STAC: variants seen among roughly 807,000 people sequenced by gnomAD.
STAC encodes the protein SH3 and cysteine-rich domain-containing protein.
Under a neutral mutation model 48.8 loss-of-function variants are expected in STAC, and 43 were observed. The observed-to-expected ratio is 0.88, with a 90% confidence interval of 0.69 to 1.14. The LOEUF is 1.14. STAC is among the 50% of genes most tolerant of loss of function. The probability of loss-of-function intolerance (pLI) is 0.00; values close to 1 mark genes in which losing one functional copy is unlikely to be tolerated. For missense variants in STAC, 497 were observed against 504.0 expected (o/e 0.99, Z 0.13); for synonymous variants, 193 against 179.5 (o/e 1.07, Z -0.60).
chr3:36,505,029 A>C (rs979297854), intron 7 of STAC, among the ~76,000 whole-genome samples: 4 of 152,174 alleles, frequency 2.6e-5, no homozygotes, highest in Non-Finnish European at 5.9e-5. Flanking sequence ...AATAATAGCT[A>C]ATATTTATAT....
rs141770003 is a variant in STAC, at chr3:36,502,406, C to T, written c.767-1987C>T. Among the ~76,000 whole-genome samples the T allele has an allele frequency of 4.1e-3, 630 of 152,238 alleles. 5 individuals are homozygous for T. Among genetic ancestry groups the T allele is most frequent in the African/African-American group, 0.015 (610 of 41,556 alleles). On this transcript the variant is annotated intron_variant, in intron 6 of 10. Coordinates refer to ENST00000273183, the MANE Select transcript of STAC (RefSeq NM_003149.3). ...GTTTAAAAATTATTTTTGCAACCTT[C>T]CATTTCTTCTTGCAACCATACATGA...
chr3:36,443,459 G>A lies in STAC; in HGVS notation c.207G>A (p.Met69Ile). Reference sequence around the variant, plus strand: ...TCCAGCGAACCAACAGCGAAGACATGAAACTGCAAGCACACATGGTGGCTG... The same window carrying A: ...TCCAGCGAACCAACAGCGAAGACATAAAACTGCAAGCACACATGGTGGCTG... ...NFFQRTNSED[M>I]KLQAHMVAEI... Residue 69 changes from methionine to isoleucine, a missense_variant, in exon 2 of 11, where the codon ATG becomes ATA. Transcript: ENST00000273183. The surrounding 1 kb of genome is among the most constrained non-coding windows in gnomAD (Gnocchi z 4.2). The A allele has an allele frequency of 6.2e-7, 1 of 1,614,226 alleles. No individual in the cohort carries two copies. The highest frequency in any genetic ancestry group is 1.1e-5 in the South Asian group (1 of 91,082).
chr3:36,391,778 T>G (rs753394711), intron 1 of STAC, among the ~76,000 whole-genome samples: 1 of 152,150 alleles, frequency 6.6e-6, no homozygotes, highest in Non-Finnish European at 1.5e-5. Context: ...CATGCTTCAT[T>G]TGTCTGAAAA....
intron 3 of STAC, 24 bp downstream of exon 3, chr3:36,483,116 G>C (rs781440247): frequency 6.4e-7 from 1 of 1,558,124 alleles, no homozygotes; most frequent in Non-Finnish European, 8.9e-7. Context: ...CCAGGAGTGA[G>C]GCCCACACCT....
Position 36,493,974 on chromosome 3 carries a change from C to T in STAC, c.766+745C>T, listed in dbSNP as rs367903201. Reference sequence around the variant, plus strand: ...GACCATCCTGGCTAACACGGTGAAACCCCGTCTCTACTAAAAATACAAAAA... The same window carrying T: ...GACCATCCTGGCTAACACGGTGAAATCCCGTCTCTACTAAAAATACAAAAA... On this transcript the variant is annotated intron_variant, in intron 6 of 10. Transcript: ENST00000273183. 8.1e-3 allele frequency among the ~76,000 whole-genome samples: 1,231 copies of T among 151,200 alleles called. 16 individuals are homozygous for T. Among genetic ancestry groups the T allele is most frequent in the African/African-American group, 0.028 (1,150 of 41,254 alleles).
intron 10 of STAC, among the ~76,000 whole-genome samples, chr3:36,541,341 C>T (rs1699319689): frequency 6.6e-6 from 1 of 152,124 alleles, no homozygotes; most frequent in African/African-American, 2.4e-5. Context: ...TAGGGATGGG[C>T]AACAGAATGA....
At chr3:36,536,182 C>G (rs1699194097) in intron 10 of STAC, among the ~76,000 whole-genome samples, 1 of 151,994 alleles carries the variant, frequency 6.6e-6, no homozygotes. Flanking sequence ...CAACTTCTTC[C>G]CAGTTCAGTC....
At chr3:36,442,272 T>C (rs545464562) in intron 1 of STAC, among the ~76,000 whole-genome samples, 1 of 152,370 alleles carries the variant, frequency 6.6e-6, no homozygotes, top group African/African-American at 2.4e-5. Context: ...TTTAGTTTGA[T>C]ATCTGAGCAT....
intron 1 of STAC, among the ~76,000 whole-genome samples, chr3:36,426,065 C>CA (rs999986840): frequency 3.3e-5 from 5 of 151,052 alleles, no homozygotes; most frequent in African/African-American, 9.7e-5. Flanking sequence ...CAAAACAAAA[C>CA]AAAAAAAGAG....
At chr3:36,382,129 T>G (rs1360441728) in intron 1 of STAC, among the ~76,000 whole-genome samples, 1 of 152,184 alleles carries the variant, frequency 6.6e-6, no homozygotes, top group East Asian at 1.9e-4. Flanking sequence ...CCCATACACA[T>G]GCACTACCTC....
chr3:36,429,369 T>G (rs767758300), intron 1 of STAC, among the ~76,000 whole-genome samples: 2 of 152,174 alleles, frequency 1.3e-5, no homozygotes, highest in African/African-American at 2.4e-5. Context: ...AGAGAACACA[T>G]GAGGGGCGCC....
intron 1 of STAC, among the ~76,000 whole-genome samples, chr3:36,398,293 A>G (rs1276218851): frequency 7.0e-6 from 1 of 142,404 alleles, no homozygotes. Context: ...AAGGTATGTT[A>G]AAAAAGAAAG....
chr3:36,541,439 G>C (rs560328189), intron 10 of STAC, among the ~76,000 whole-genome samples: 1 of 152,302 alleles, frequency 6.6e-6, no homozygotes, highest in Admixed American at 6.5e-5. Context: ...AGTTATCCTA[G>C]AACAGTGAGT....
In STAC at chr3:36,453,341, G is replaced by T. The variant is rs79241827; in HGVS notation, c.388+9701G>T. On this transcript the variant is annotated intron_variant, in intron 2 of 10. Coordinates refer to ENST00000273183, the MANE Select transcript of STAC (RefSeq NM_003149.3). ...GCTCCCTCAGCTTGCGGCGAGGTGTGGAGGGAGAGGCGTGGGCGGGAACCG... is the reference window on the plus strand; with the variant it reads ...GCTCCCTCAGCTTGCGGCGAGGTGTTGAGGGAGAGGCGTGGGCGGGAACCG... 2.0e-5 allele frequency among the ~76,000 whole-genome samples: 3 copies of T among 152,226 alleles called. No individual in the cohort carries two copies. In the South Asian group the frequency reaches 6.2e-4, roughly 31 times the overall value.
intron 1 of STAC, among the ~76,000 whole-genome samples, chr3:36,402,902 T>C (rs940215936): frequency 1.3e-5 from 2 of 152,152 alleles, no homozygotes; most frequent in South Asian, 4.1e-4. Context: ...TCATTCTAGC[T>C]ACCCATATGA....
intron 1 of STAC, among the ~76,000 whole-genome samples, chr3:36,433,854 A>G (rs1176638341): frequency 6.6e-6 from 1 of 152,196 alleles, no homozygotes. Flanking sequence ...TGCTTTACCA[A>G]TATAGTCATT....
intron 8 of STAC, among the ~76,000 whole-genome samples, chr3:36,514,560 G>A (rs557812997): frequency 7.6e-4 from 116 of 152,206 alleles, no homozygotes; most frequent in African/African-American, 2.7e-3. Context: ...TAAACTCCAT[G>A]AGAACAAGTC....
chr3:36,464,657 T>C (rs1408227310), intron 2 of STAC, among the ~76,000 whole-genome samples: 1 of 152,134 alleles, frequency 6.6e-6, no homozygotes, highest in Non-Finnish European at 1.5e-5. Context: ...TTTCAAAGCT[T>C]AGCTCCCACA....
At chr3:36,488,349 T>C (rs143053002) in intron 5 of STAC, among the ~76,000 whole-genome samples, 1 of 152,338 alleles carries the variant, frequency 6.6e-6, no homozygotes, top group African/African-American at 2.4e-5. Context: ...GAGAAGGGCA[T>C]TTCCCAGAGC....
Sources: allele counts gnomAD v4.1 joint callset (sites outside exome capture counted in the v4.1 genomes callset), GRCh38; gene constraint gnomAD v4.1.1; non-coding constraint Gnocchi (gnomAD v3.1); transcripts MANE v1.5; gene names NCBI Gene and HGNC (gene_info 2026-07-23, HGNC 2026-07-21).